WIPF1: variants seen among roughly 807,000 people sequenced by gnomAD.
WIPF1 encodes the protein WAS/WASL-interacting protein family member 1.
Under a neutral mutation model 35.4 loss-of-function variants are expected in WIPF1, and 13 were observed. The observed-to-expected ratio is 0.37, with a 90% CI of 0.24 to 0.58. The LOEUF is 0.58. WIPF1 is among the 20% of genes least tolerant of loss of function. The pLI, the probability that WIPF1 is intolerant of heterozygous loss-of-function variation, is 0.74. For synonymous variants in WIPF1, 267 were observed against 266.3 expected, an observed-to-expected ratio of 1.00 and a Z score of -0.02; for missense variants, 591 against 667.0, an observed-to-expected ratio of 0.89 and a Z score of 1.25.
At chr2:174,573,894 T>C (rs1375496433) in intron 4 of WIPF1, among the ~76,000 whole-genome samples, 12 of 149,760 alleles carry the variant, frequency 8.0e-5, no homozygotes, top group South Asian at 4.2e-4. Flanking sequence ...TCTTCTTCTT[T>C]TTTTTTTTTT....
At chr2:174,585,490 T>C in intron 2 of WIPF1, 33 bp downstream of exon 2, 1 of 1,593,328 alleles carries the variant, frequency 6.3e-7, no homozygotes, top group African/African-American at 1.4e-5. Context: ...GCTTGCTTTA[T>C]GCATAGAAAG....
intron 7 of WIPF1, among the ~76,000 whole-genome samples, chr2:174,565,815 C>A (rs913430994): frequency 6.6e-6 from 1 of 152,166 alleles, no homozygotes; most frequent in Non-Finnish European, 1.5e-5. Flanking sequence ...AAGGCTGCCA[C>A]GAACCTCAGC....
At chr2:174,583,956 A>G (rs1337728301) in intron 2 of WIPF1, among the ~76,000 whole-genome samples, 1 of 152,104 alleles carries the variant, frequency 6.6e-6, no homozygotes, top group Non-Finnish European at 1.5e-5. Flanking sequence ...AGTAGCTGGG[A>G]CTATAAGCAC....
At chr2:174,610,524 C>T (rs1686309005) in intron 1 of WIPF1, among the ~76,000 whole-genome samples, 2 of 151,942 alleles carry the variant, frequency 1.3e-5, no homozygotes, top group African/African-American at 4.8e-5. Context: ...TGTAGGACAC[C>T]CTCAGGAAGA....
intron 1 of WIPF1, among the ~76,000 whole-genome samples, chr2:174,680,607 A>C (rs1415476829): frequency 6.6e-6 from 1 of 152,212 alleles, no homozygotes; most frequent in Non-Finnish European, 1.5e-5. Context: ...CTAAAATTAC[A>C]ACCATAGTTA....
chr2:174,592,755 G>C (rs1685661667), intron 1 of WIPF1, among the ~76,000 whole-genome samples: 1 of 151,882 alleles, frequency 6.6e-6, no homozygotes. Context: ...ACAGGCGTGT[G>C]CCATCACACT....
chr2:174,579,953 T>A (rs1685182104), intron 3 of WIPF1, among the ~76,000 whole-genome samples: 1 of 151,846 alleles, frequency 6.6e-6, no homozygotes, highest in Admixed American at 6.6e-5. Flanking sequence ...AATACCTTAG[T>A]TCCTTTTTTT....
intron 1 of WIPF1, among the ~76,000 whole-genome samples, chr2:174,623,876 C>T (rs182214724): frequency 6.6e-6 from 1 of 152,254 alleles, no homozygotes; most frequent in South Asian, 2.1e-4. Flanking sequence ...AATATTAACA[C>T]AGAAAAAACC....
intron 1 of WIPF1, among the ~76,000 whole-genome samples, chr2:174,679,684 G>C (rs1276487132): frequency 6.6e-6 from 1 of 152,116 alleles, no homozygotes; most frequent in Non-Finnish European, 1.5e-5. Context: ...TAGCATACTA[G>C]TTAAAGTGTA....
intron 1 of WIPF1, among the ~76,000 whole-genome samples, chr2:174,651,930 G>A (rs530690591): frequency 2.2e-4 from 34 of 152,172 alleles, no homozygotes; most frequent in African/African-American, 7.2e-4. Context: ...TTCCAAGAAG[G>A]CTTCTTCATG....
At chr2:174,634,245 G>A (rs1271836106) in intron 1 of WIPF1, among the ~76,000 whole-genome samples, 1 of 152,200 alleles carries the variant, frequency 6.6e-6, no homozygotes, top group African/African-American at 2.4e-5. Context: ...CACGAAATAA[G>A]TTATTTAAAG....
At chr2:174,578,320 T>C (rs1685129409) in intron 3 of WIPF1, among the ~76,000 whole-genome samples, 2 of 152,246 alleles carry the variant, frequency 1.3e-5, no homozygotes, top group Non-Finnish European at 2.9e-5. Flanking sequence ...ATCATGCCAA[T>C]TTCATTACAA....
chr2:174,673,746 G>A (rs2105990188), intron 1 of WIPF1: 1 of 151,600 alleles, frequency 6.6e-6, no homozygotes, highest in South Asian at 2.1e-4. Context: ...CCAGCCCATA[G>A]AGGGTAAAAC....
chr2:174,581,261 T>C, intron 3 of WIPF1, 49 bp downstream of exon 3: 3 of 1,602,508 alleles, frequency 1.9e-6, no homozygotes, highest in Non-Finnish European at 2.6e-6. Flanking sequence ...GGTTGATTAT[T>C]AGGCCATAAA....
intron 3 of WIPF1, 38 bp from the exon 4 acceptor site, chr2:174,575,418 G>A (rs1414285033): frequency 1.9e-6 from 3 of 1,563,214 alleles, no homozygotes; most frequent in Non-Finnish European, 2.6e-6. Flanking sequence ...TATGCCCCCT[G>A]GTCTGGCCCA....
rs1684449778 is a variant in WIPF1 at position 174,560,223 on chromosome 2, A to T, written c.*2324T>A. 6.6e-6 allele frequency: 1 copy of T among 152,636 alleles called. No individual in the cohort carries two copies. Among genetic ancestry groups the T allele is most frequent in the South Asian group, 2.1e-4 (1 of 4,826 alleles). 9.5% of individuals were successfully genotyped at this position (152,636 alleles called of 1,614,324 possible). On this transcript the variant is annotated 3_prime_UTR_variant, in exon 8 of 8. Coordinates refer to ENST00000679041, the MANE Select transcript of WIPF1 (RefSeq NM_001375834.1). Reference sequence around the variant, plus strand: ...ATGCAATTAGGTTGCAAACTTTCAAAGAAAGGGTGTAGGTGTATTAATGAA... The same window carrying T: ...ATGCAATTAGGTTGCAAACTTTCAATGAAAGGGTGTAGGTGTATTAATGAA...
rs1230110768 is a variant in WIPF1 at position 174,648,424 on chromosome 2, A to G, written c.-39+34350T>C. Among the ~76,000 whole-genome samples, 3 of 152,350 alleles carry G rather than the reference A, an allele frequency of 2.0e-5. No individual in the cohort carries two copies. The East Asian group carries it at 5.8e-4, about 29-fold the overall frequency. ...GAAATGATCAGCCATCTCTGTGTCT[A>G]ATAACATAAGTGTGTTTACTGAAAT... On this transcript the variant is annotated intron_variant, in intron 1 of 8. Transcript: ENST00000272746.
chr2:174,664,770 C>G, intron 1 of WIPF1, among the ~76,000 whole-genome samples: 1 of 152,192 alleles, frequency 6.6e-6, no homozygotes, highest in East Asian at 1.9e-4. Flanking sequence ...GCTACATAAC[C>G]TGAACTCTTC....
chr2:174,575,398 C>T lies in WIPF1; in HGVS notation c.182-18G>A. ...TTTAGGTTCTGTAGAAGAAGAGACA[C>T]CCGACAGACTATGCCCCCTGGTCTG... On this transcript the variant is annotated intron_variant, in intron 3 of 7. Transcript: ENST00000679041. 6.3e-7 allele frequency: 1 copy of T among 1,594,088 alleles called. No individual in the cohort carries two copies. The highest frequency in any genetic ancestry group is 8.6e-7 in the Non-Finnish European group (1 of 1,169,212).
Sources: gnomAD v4.1 joint callset for allele counts (sites outside exome capture counted in the v4.1 genomes callset) on GRCh38, gnomAD v4.1.1 for gene constraint, MANE v1.5 for transcripts, NCBI Gene and HGNC (gene_info 2026-07-23, HGNC 2026-07-21) for gene names.